The following MROH2A variants were observed in gnomAD, a reference collection of about 807,000 sequenced individuals.
MROH2A encodes the protein maestro heat like repeat family member 2A, also known as maestro heat-like repeat-containing protein family member 2A.
A neutral mutation model predicts 200.4 loss-of-function variants in MROH2A; 174 were observed. The observed-to-expected ratio is 0.87, with a 90% CI of 0.77 to 0.98. The LOEUF is 0.98. Among genes scored for constraint, MROH2A ranks in the 50% least tolerant of loss-of-function variants. The pLI, the probability that MROH2A is intolerant of heterozygous loss-of-function variation, is 0.00. For missense variants in MROH2A, 2,045 were observed against 2,139.6 expected (o/e 0.96, Z 0.87); for synonymous variants, 829 against 840.4 (o/e 0.99, Z 0.23).
At chr2:233,789,805 G>C in intron 4 of MROH2A, 47 bp from the exon 5 acceptor site, 1 of 1,520,322 alleles carries the variant, frequency 6.6e-7, no homozygotes, top group Non-Finnish European at 8.9e-7. Flanking sequence ...TTTTCCTGGA[G>C]GCCCGGCTGG....
At chr2:233,799,490 A>G (rs1702320507) in intron 12 of MROH2A, among the ~76,000 whole-genome samples, 2 of 152,178 alleles carry the variant, frequency 1.3e-5, no homozygotes, top group Non-Finnish European at 2.9e-5. Flanking sequence ...GTCCAGGATA[A>G]CAGATGGGCT....
At chr2:233,794,618 G>A in intron 8 of MROH2A, 112 bp downstream of exon 8, 1 of 642,924 alleles carries the variant, frequency 1.6e-6, no homozygotes, top group Non-Finnish European at 2.7e-6. Context: ...TTTTGACACT[G>A]TGTCAGGAAC....
chr2:233,805,894 C>G (rs1702762685), intron 19 of MROH2A, among the ~76,000 whole-genome samples: 1 of 152,056 alleles, frequency 6.6e-6, no homozygotes, highest in Non-Finnish European at 1.5e-5. Context: ...GGATATCTTC[C>G]TCACACCACA....
In MROH2A at chr2:233,823,829, A is replaced by G. The variant is rs1704128361; in HGVS notation, c.4113+165A>G. The G allele has an allele frequency of 7.9e-6, 7 of 884,380 alleles. No individual in the cohort carries two copies. The South Asian group carries it at 1.0e-4, about 13-fold the overall frequency. The allele number at this position is 884,380 out of a possible 1,614,324, so 54.8% of individuals were successfully genotyped here. ...ATCTGCTCCTTCATTCATTCATCAC[A>G]TGAGTAGTGCAGGGCAGGCCCTGCT... On this transcript the variant is annotated intron_variant, in intron 35 of 41. Coordinates refer to ENST00000389758, the MANE Select transcript of MROH2A (RefSeq NM_001394639.1).
At chr2:233,786,781 A>G (rs920152360) in intron 3 of MROH2A, among the ~76,000 whole-genome samples, 5 of 152,178 alleles carry the variant, frequency 3.3e-5, no homozygotes, top group Non-Finnish European at 7.3e-5. Flanking sequence ...CAATAAACAG[A>G]CAATAAACAA....
At chr2:233,790,079 C>T in intron 5 of MROH2A, 65 bp downstream of exon 5, 1 of 1,397,810 alleles carries the variant, frequency 7.2e-7, no homozygotes, top group East Asian at 2.5e-5. Context: ...CTCTCTGCCC[C>T]TCCCATCTAT....
chr2:233,800,150 C>A, intron 13 of MROH2A, 55 bp from the exon 14 acceptor site: 1 of 1,333,266 alleles, frequency 7.5e-7, no homozygotes, highest in South Asian at 1.4e-5. Context: ...ACACCTGAGA[C>A]CACGACAAAC....
chr2:233,832,763 T>TGTGGGGGGGGG, intron 41 of MROH2A, 119 bp downstream of exon 41: 1 of 389,306 alleles, frequency 2.6e-6, no homozygotes, highest in East Asian at 6.6e-5. Flanking sequence ...TTCGGGGGGG[T>TGTGGGGGGGGG]GGGAGTGCAA....
At chr2:233,818,219 A>T in intron 28 of MROH2A, 94 bp downstream of exon 28, 1 of 1,454,698 alleles carries the variant, frequency 6.9e-7, no homozygotes, top group Non-Finnish European at 9.2e-7. Flanking sequence ...GGAGGGAAGG[A>T]TGGCCTCTGT....
rs1410621094 is a variant in MROH2A, at chr2:233,822,344, C to A, written c.3673-19C>A. The stretch of plus-strand genomic sequence containing the variant: ...GGTCTCTGGGTAGGAGCCCGATGCC[C>A]TGGACCTTCTCTCTGCAGACCCTGT... On this transcript the variant is annotated intron_variant, in intron 32 of 41. Transcript: ENST00000389758. 1 of 1,549,530 alleles carries A rather than the reference C, an allele frequency of 6.5e-7. No individual in the cohort carries two copies. Among genetic ancestry groups the A allele is most frequent in the South Asian group, 1.2e-5 (1 of 84,052 alleles).
In MROH2A at chr2:233,807,763, C is replaced by A; in HGVS notation, c.2203C>A (p.Arg735=). ...GVIMCFGLCA[R]GQVKTVLNVL... ...GATTATGTGCTTTGGCCTGTGTGCC[C>A]GGGGCCAGGTAAAAACGGTGCTGAA... Residue 735 remains arginine, a synonymous_variant, in exon 21 of 42, where the codon CGG becomes AGG. Transcript: ENST00000389758. This position sits in a 1 kb window ranked among gnomAD's most constrained non-coding sequence, Gnocchi z 4.3. 6.4e-7 allele frequency: 1 copy of A among 1,550,678 alleles called. No individual in the cohort carries two copies. Among genetic ancestry groups the A allele is most frequent in the Non-Finnish European group, 8.7e-7 (1 of 1,147,018 alleles).
At chr2:233,832,085 T>A (rs970003783) in intron 39 of MROH2A, 92 bp from the exon 40 acceptor site, 3 of 1,051,736 alleles carry the variant, frequency 2.9e-6, no homozygotes, top group Admixed American at 4.2e-5. Flanking sequence ...CCCTCTCTGA[T>A]GCATCTTGGT....
intron 13 of MROH2A, 27 bp from the exon 14 acceptor site, chr2:233,800,178 T>G (rs55686299): frequency 0.15 from 229,798 of 1,490,636 alleles, 18,859 homozygotes; most frequent in African/African-American, 0.26. Context: ...AGGCCACAGG[T>G]GGGAATCCCT....
intron 4 of MROH2A, 83 bp from the exon 5 acceptor site, chr2:233,789,769 G>T: frequency 1.3e-6 from 2 of 1,491,144 alleles, no homozygotes; most frequent in Non-Finnish European, 1.8e-6. Flanking sequence ...AACCAGGAGG[G>T]GTGGAGAGAG....
Position 233,816,856 on chromosome 2 carries a change from T to A in MROH2A, c.2932T>A (p.Trp978Arg), listed in dbSNP as rs726016. The change falls in exon 27 of 42, where the codon TGG (tryptophan) becomes AGG (arginine). Residue 978 changes from tryptophan to arginine, a missense_variant. By Grantham distance (101) the Trp-to-Arg change is moderately radical (BLOSUM62 -3). Transcript: ENST00000389758. ...CGTGAGCCTCCATCTCTATCTCATG[T>A]GGATTTATGTCCACAGCACTGCTGT... is the stretch of plus-strand genomic sequence containing the variant. ...KAVSLHLYLM[W>R]IYVHSTAVCI... 8.4e-6 allele frequency: 13 copies of A among 1,549,644 alleles called. No individual in the cohort carries two copies. The South Asian group carries it at 1.3e-4, about 16-fold the overall frequency.
At chr2:233,788,966 A>AAAAAAAG (rs1701555926) in intron 3 of MROH2A, among the ~76,000 whole-genome samples, 1 of 148,402 alleles carries the variant, frequency 6.7e-6, no homozygotes, top group Non-Finnish European at 1.5e-5. Context: ...AAAAAAAAAA[A>AAAAAAAG]AAAGAGTAAC....
In MROH2A at chr2:233,794,501, A is replaced by G; in HGVS notation, c.961A>G (p.Thr321Ala). ...GGGCAGTCTGGAGGTGCTCTTCGTCACGCAGGCGAGTGGCCAGGCAGCCAC... is the reference window on the plus strand; with the variant it reads ...GGGCAGTCTGGAGGTGCTCTTCGTCGCGCAGGCGAGTGGCCAGGCAGCCAC... The part of the protein sequence containing the change: ...YQGSLEVLFV[T>A]QVLRQILELS... The change falls in exon 8 of 42, where the codon ACG (threonine) becomes GCG (alanine). Residue 321 changes from threonine to alanine, a missense_variant. Thr to Ala is a moderately conservative substitution (Grantham distance 58, BLOSUM62 0). This residue lies in a region of MROH2A where 831 missense variants were observed against 800.0 expected (regional missense o/e 1.04). Transcript: ENST00000389758. The G allele has an allele frequency of 6.6e-7, 1 of 1,518,622 alleles. No individual in the cohort carries two copies. Among genetic ancestry groups the G allele is most frequent in the Non-Finnish European group, 8.9e-7 (1 of 1,118,070 alleles). The allele number at this position is 1,518,622 out of a possible 1,614,324, so 94.1% of individuals were successfully genotyped here.
chr2:233,818,820 T>G, intron 29 of MROH2A, 50 bp downstream of exon 29: 13 of 1,240,068 alleles, frequency 1.0e-5, no homozygotes, highest in Non-Finnish European at 1.4e-5. Context: ...TCAGGGCCCT[T>G]GGCCGTCTCT....
chr2:233,781,493 G>T (rs949582215), intron 3 of MROH2A, among the ~76,000 whole-genome samples: 1 of 152,136 alleles, frequency 6.6e-6, no homozygotes, highest in African/African-American at 2.4e-5. Context: ...GATTAGTGAG[G>T]TTGAGCATTT....
Sources: gnomAD v4.1 joint callset for allele counts (sites outside exome capture counted in the v4.1 genomes callset) on GRCh38, gnomAD v4.1.1 for gene constraint, gnomAD v4.1.1 regional missense constraint, Gnocchi (gnomAD v3.1) non-coding constraint, MANE v1.5 for transcripts, NCBI Gene and HGNC (gene_info 2026-07-23, HGNC 2026-07-21) for gene names.